The following DGKI variants were observed in gnomAD, a reference collection of about 807,000 sequenced individuals.
DGKI encodes DAG kinase iota.
Under a neutral mutation model 147.5 loss-of-function variants are expected in DGKI, and 55 were observed. That is an observed-to-expected ratio of 0.37 (90% CI 0.30 to 0.47). The LOEUF (loss-of-function observed/expected upper bound fraction) is 0.47. Ranked by LOEUF, DGKI falls within the 20% of genes least tolerant of loss-of-function variation. The probability of loss-of-function intolerance (pLI) is 1.00; values close to 1 mark genes in which losing one functional copy is unlikely to be tolerated. For synonymous variants in DGKI, 469 were observed against 477.1 expected (o/e 0.98, Z 0.22); for missense variants, 1,007 against 1,323.8 (o/e 0.76, Z 3.71).
intron 1 of DGKI, among the ~76,000 whole-genome samples, chr7:137,698,488 T>G (rs958002513): frequency 1.3e-5 from 2 of 152,092 alleles, no homozygotes; most frequent in African/African-American, 4.8e-5. Context: ...AGAACAAGAC[T>G]CTCAAACTTT....
chr7:137,644,944 G>A (rs145780651), intron 6 of DGKI, among the ~76,000 whole-genome samples: 184 of 152,276 alleles, frequency 1.2e-3, no homozygotes, highest in Non-Finnish European at 1.2e-3. Context: ...ACTGCATCCT[G>A]AGGGACCTAT....
intron 21 of DGKI, among the ~76,000 whole-genome samples, chr7:137,501,749 C>T (rs904612823): frequency 1.3e-5 from 2 of 152,154 alleles, no homozygotes; most frequent in African/African-American, 4.8e-5. Context: ...CACATGCCAA[C>T]TACATGAGCT....
At chr7:137,680,182 C>T (rs1316198629) in intron 2 of DGKI, among the ~76,000 whole-genome samples, 3 of 151,954 alleles carry the variant, frequency 2.0e-5, no homozygotes, top group African/African-American at 4.8e-5. Flanking sequence ...CATGTGAGCA[C>T]ACGGCAAGAA....
intron 1 of DGKI, among the ~76,000 whole-genome samples, chr7:137,788,530 T>C (rs966221811): frequency 2.6e-5 from 4 of 152,036 alleles, no homozygotes; most frequent in Non-Finnish European, 5.9e-5. Flanking sequence ...ATCATCCATG[T>C]GTTTTCTAAA....
chr7:137,823,454 C>A (rs1295721844), intron 1 of DGKI, among the ~76,000 whole-genome samples: 2 of 152,176 alleles, frequency 1.3e-5, no homozygotes, highest in Non-Finnish European at 2.9e-5. Flanking sequence ...GTACCCTCTG[C>A]AAAGAAGCTC....
chr7:137,824,676 G>A (rs928054586), intron 1 of DGKI, among the ~76,000 whole-genome samples: 1 of 152,014 alleles, frequency 6.6e-6, no homozygotes, highest in African/African-American at 2.4e-5. Flanking sequence ...TAAGCCTAGT[G>A]CCCACTATTT....
rs953834245 is a variant in DGKI, at chr7:137,544,301, A to T, written c.2147+8068T>A. ...ATCAACGGAGCCACTAAAAATAATG[A>T]TCACATGCAGCCACTCCTTAAACTC... On this transcript the variant is annotated intron_variant, in intron 20 of 32. Transcript: ENST00000614521. Among the ~76,000 whole-genome samples the T allele has an allele frequency of 2.0e-5, 3 of 152,298 alleles. No homozygotes were observed. The South Asian group carries it at 6.2e-4, about 32-fold the overall frequency.
At chr7:137,447,058 C>T (rs1813745574) in intron 27 of DGKI, among the ~76,000 whole-genome samples, 3 of 152,154 alleles carry the variant, frequency 2.0e-5, no homozygotes, top group Admixed American at 2.0e-4. Context: ...ATCATGAGTC[C>T]TTTAGCTACA....
chr7:137,690,183 G>C (rs1462379669), intron 1 of DGKI, among the ~76,000 whole-genome samples, 181 bp from the exon 2 acceptor site: 1 of 152,158 alleles, frequency 6.6e-6, no homozygotes, highest in Non-Finnish European at 1.5e-5. Flanking sequence ...AAAGAGGGTG[G>C]CAGGTCCCAA....
At chr7:137,462,593 T>A (rs538683058) in intron 27 of DGKI, among the ~76,000 whole-genome samples, 118 of 152,358 alleles carry the variant, frequency 7.7e-4, no homozygotes, top group African/African-American at 2.6e-3. Flanking sequence ...AACAAAGCAC[T>A]TCCTTTGCCT....
intron 5 of DGKI, among the ~76,000 whole-genome samples, chr7:137,650,218 C>G (rs924911863): frequency 1.3e-5 from 2 of 152,074 alleles, no homozygotes; most frequent in East Asian, 1.9e-4. Context: ...TTTGTAAATG[C>G]ATTCAGTCAG....
chr7:137,596,001 C>CAAAAAAA (rs71177914), intron 12 of DGKI, among the ~76,000 whole-genome samples: 803 of 44,452 alleles, frequency 0.018, 8 homozygotes, highest in Non-Finnish European at 0.022. Context: ...GACTCCGTCT[C>CAAAAAAA]AAAAAAAAAA....
chr7:137,720,021 T>G (rs1432635094), intron 1 of DGKI, among the ~76,000 whole-genome samples: 1 of 152,124 alleles, frequency 6.6e-6, no homozygotes, highest in Non-Finnish European at 1.5e-5. Context: ...AAACTTGATC[T>G]AATATTCTGG....
intron 6 of DGKI, among the ~76,000 whole-genome samples, chr7:137,643,507 T>A (rs549978535): frequency 6.6e-6 from 1 of 152,234 alleles, no homozygotes; most frequent in South Asian, 2.1e-4. Flanking sequence ...ACCCATCCCA[T>A]AATTGTTTGA....
At chr7:137,663,422 G>A (rs2116305756) in intron 3 of DGKI, among the ~76,000 whole-genome samples, 1 of 152,338 alleles carries the variant, frequency 6.6e-6, no homozygotes, top group East Asian at 1.9e-4. Flanking sequence ...CTTAAAATAT[G>A]TATATTCAAA....
intron 1 of DGKI, among the ~76,000 whole-genome samples, chr7:137,845,975 G>T (rs1259199665): frequency 1.3e-5 from 2 of 152,116 alleles, no homozygotes; most frequent in African/African-American, 4.8e-5. Flanking sequence ...GCCTGTCGGA[G>T]TGATCTCAGC....
At chr7:137,414,908 T>C (rs1812300853) in intron 28 of DGKI, among the ~76,000 whole-genome samples, 1 of 152,210 alleles carries the variant, frequency 6.6e-6, no homozygotes, top group Non-Finnish European at 1.5e-5. Context: ...ACTGCTCACC[T>C]CTCGGTAGTT....
intron 3 of DGKI, among the ~76,000 whole-genome samples, chr7:137,659,368 G>A (rs914421097): frequency 3.3e-5 from 5 of 152,090 alleles, no homozygotes; most frequent in Non-Finnish European, 5.9e-5. Context: ...CTGACTTCAC[G>A]GTGTATGACT....
intron 6 of DGKI, among the ~76,000 whole-genome samples, chr7:137,625,604 A>G (rs1820908496): frequency 1.3e-5 from 2 of 152,122 alleles, no homozygotes; most frequent in African/African-American, 2.4e-5. Flanking sequence ...TTGGGCCTAA[A>G]CTGTTTGCAC....
Sources: gnomAD v4.1 joint callset for allele counts (sites outside exome capture counted in the v4.1 genomes callset) on GRCh38, gnomAD v4.1.1 for gene constraint, MANE v1.5 for transcripts, NCBI Gene and HGNC (gene_info 2026-07-23, HGNC 2026-07-21) for gene names.